HEATR4: variants seen among roughly 807,000 people sequenced by gnomAD.
HEATR4 encodes HEAT repeat containing 4, also known as HEAT repeat-containing protein 4.
HEATR4 carries 95 observed loss-of-function variants against 108.8 expected under a neutral mutation model. The ratio of observed to expected loss-of-function variants is 0.87; its 90% confidence interval spans 0.74 to 1.04. The LOEUF is 1.04. HEATR4 is among the 50% of genes least tolerant of loss of function. The pLI is 0.00. For missense variants in HEATR4, 1,152 were observed against 1,253.8 expected (o/e 0.92, Z 1.23); for synonymous variants, 443 against 459.4 (o/e 0.96, Z 0.46).
In HEATR4 at chr14:73,555,570, C is replaced by T. The variant is rs1195595383; in HGVS notation, c.-152+3181G>A. Among the ~76,000 whole-genome samples the T allele has an allele frequency of 8.7e-5, 10 of 115,146 alleles. 3 individuals carry two copies. Among genetic ancestry groups the T allele is most frequent in the Admixed American group, 2.0e-4 (2 of 10,228 alleles). The allele number at this position is 115,146 out of a possible 152,430, so 75.5% of individuals were successfully genotyped here. A position where few individuals can be genotyped will look rare whatever the true frequency, so the allele number is the denominator to read the frequency against. On this transcript the variant is annotated intron_variant, in intron 1 of 17. Coordinates refer to ENST00000553558, the MANE Select transcript of HEATR4 (RefSeq NM_001220484.1). ...TGAAAAGAACATTAATATTCTCCTG[C>T]CTTGCATATTCTTCTAAAACATTTT...
intron 17 of HEATR4, among the ~76,000 whole-genome samples, chr14:73,489,160 T>A (rs866514071): frequency 6.6e-6 from 1 of 152,200 alleles, no homozygotes; most frequent in Non-Finnish European, 1.5e-5. Flanking sequence ...GTGGGAGGGT[T>A]GTCCTTAGTA....
intron 10 of HEATR4, among the ~76,000 whole-genome samples, chr14:73,504,281 T>C (rs988286678): frequency 1.3e-5 from 2 of 151,628 alleles, no homozygotes; most frequent in African/African-American, 2.4e-5. Context: ...CTCGCTCTGT[T>C]GCCCAGGCTG....
chr14:73,566,611 C>T, the HEATR4 span, among the ~76,000 whole-genome samples: 10 of 152,192 alleles, frequency 6.6e-5, no homozygotes, highest in African/African-American at 1.7e-4. Context: ...GCTGGCAGGG[C>T]CAGCTGGCGG....
At chr14:73,569,795 G>C in the HEATR4 span, 1 of 1,603,350 alleles carries the variant, frequency 6.2e-7, no homozygotes, top group Non-Finnish European at 8.5e-7. Context: ...TGTGCCAGAC[G>C]CGGCACGAGC....
rs1406858344 is a variant in HEATR4, at chr14:73,548,925, G to A, written c.-152+9826C>T. On this transcript the variant is annotated intron_variant, in intron 1 of 17. Coordinates refer to ENST00000553558, the MANE Select transcript of HEATR4 (RefSeq NM_001220484.1). Reference sequence around the variant, plus strand: ...ATTCCAGGTAATTAACCTATCCATCGCCTCACATCTTTCTCTCTCTCTCTC... The same window carrying A: ...ATTCCAGGTAATTAACCTATCCATCACCTCACATCTTTCTCTCTCTCTCTC... Among the ~76,000 whole-genome samples the A allele has an allele frequency of 8.0e-5, 9 of 112,806 alleles. 2 individuals are homozygous for A. Among genetic ancestry groups the A allele is most frequent in the African/African-American group, 1.7e-4 (6 of 34,708 alleles). 74.0% of individuals were successfully genotyped at this position (112,806 alleles called of 152,430 possible).
the HEATR4 span, among the ~76,000 whole-genome samples, chr14:73,624,525 G>A: frequency 6.6e-6 from 1 of 152,190 alleles, no homozygotes; most frequent in Non-Finnish European, 1.5e-5. Context: ...TAACTTTAGT[G>A]TAGGAGGACA....
At chr14:73,601,551 G>A in the HEATR4 span, among the ~76,000 whole-genome samples, 2 of 152,284 alleles carry the variant, frequency 1.3e-5, no homozygotes, top group East Asian at 3.9e-4. Flanking sequence ...GCAACAGAGT[G>A]AGACTCTGTC....
In HEATR4 at chr14:73,500,436, C is replaced by T; in HGVS notation, c.2286+114G>A. 6 of 1,171,122 alleles carry T rather than the reference C, an allele frequency of 5.1e-6. No homozygotes were observed. In the South Asian group the frequency reaches 6.2e-5, roughly 12 times the overall value. 72.5% of individuals were successfully genotyped at this position (1,171,122 alleles called of 1,614,324 possible). A position where few individuals can be genotyped will look rare whatever the true frequency, so the allele number is the denominator to read the frequency against. ...TGGCTTATACACCCCCTTCCCAGTT[C>T]CAATCTCTCATTCTGTGTCCCCACA... On this transcript the variant is annotated intron_variant, in intron 12 of 17. Coordinates refer to ENST00000553558, the MANE Select transcript of HEATR4 (RefSeq NM_001220484.1).
the HEATR4 span, chr14:73,593,907 T>C: frequency 3.1e-6 from 5 of 1,607,160 alleles, no homozygotes; most frequent in South Asian, 5.5e-5. Flanking sequence ...ATCCCCAGGT[T>C]CTCCTCATGT....
At chr14:73,488,623 C>A in intron 17 of HEATR4, among the ~76,000 whole-genome samples, 1 of 152,032 alleles carries the variant, frequency 6.6e-6, no homozygotes, top group East Asian at 1.9e-4. Context: ...GCTTCCTCTA[C>A]AGCCTGAGGA....
At chr14:73,577,548 T>A in the HEATR4 span, among the ~76,000 whole-genome samples, 2 of 145,538 alleles carry the variant, frequency 1.4e-5, no homozygotes, top group Admixed American at 1.4e-4. Context: ...TCATATTGTT[T>A]TATCTTTTCC....
the HEATR4 span, among the ~76,000 whole-genome samples, chr14:73,590,556 C>T: frequency 6.6e-6 from 1 of 152,342 alleles, no homozygotes; most frequent in Non-Finnish European, 1.5e-5. Flanking sequence ...GAGGCTCGGA[C>T]CGCGCAGAAG....
chr14:73,628,412 G>T, the HEATR4 span, among the ~76,000 whole-genome samples: 18 of 152,136 alleles, frequency 1.2e-4, no homozygotes, highest in African/African-American at 4.1e-4. Flanking sequence ...AAAATACTAG[G>T]ATTACAGGCA....
the HEATR4 span, among the ~76,000 whole-genome samples, chr14:73,584,008 AAAAC>A: frequency 6.6e-6 from 1 of 151,988 alleles, no homozygotes; most frequent in African/African-American, 2.4e-5. Flanking sequence ...TCTAAAAAAA[AAAAC>A]AGACAAAATG....
chr14:73,593,903 A>C, the HEATR4 span: 1 of 1,610,296 alleles, frequency 6.2e-7, no homozygotes, highest in Non-Finnish European at 8.5e-7. Flanking sequence ...CAACATCCCC[A>C]GGTTCTCCTC....
In HEATR4 at chr14:73,485,928, G is replaced by T. The variant is rs1053639479; in HGVS notation, c.2845-7086C>A. 1.3e-4 allele frequency among the ~76,000 whole-genome samples: 20 copies of T among 151,860 alleles called. 1 individual carries two copies. The highest frequency in any genetic ancestry group is 2.5e-4 in the Non-Finnish European group (17 of 67,998). On this transcript the variant is annotated intron_variant, in intron 17 of 17. Coordinates refer to ENST00000553558, the MANE Select transcript of HEATR4 (RefSeq NM_001220484.1). The stretch of plus-strand genomic sequence containing the variant: ...AGCGTCTCACCATGTTGCTCAGGCT[G>T]GTCTGGAACTCTTGAGTTCAAGCAA...
Position 73,547,104 on chromosome 14 carries a change from C to A in HEATR4, c.-152+11647G>T, listed in dbSNP as rs1889245289. 1.9e-5 allele frequency among the ~76,000 whole-genome samples: 2 copies of A among 106,586 alleles called. 1 individual carries two copies. The highest frequency in any genetic ancestry group is 2.3e-4 in the Admixed American group (2 of 8,874). 69.9% of individuals were successfully genotyped at this position (106,586 alleles called of 152,430 possible). A position where few individuals can be genotyped will look rare whatever the true frequency, so the allele number is the denominator to read the frequency against. Reference sequence around the variant, plus strand: ...TCCGTCTCAAAAAAAGAAAAAAGACCCGGTGCGGTGGCTTACGCCTGTAAT... The same window carrying A: ...TCCGTCTCAAAAAAAGAAAAAAGACACGGTGCGGTGGCTTACGCCTGTAAT... On this transcript the variant is annotated intron_variant, in intron 1 of 17. Coordinates refer to ENST00000553558, the MANE Select transcript of HEATR4 (RefSeq NM_001220484.1).
At chr14:73,620,693 G>T in the HEATR4 span, among the ~76,000 whole-genome samples, 1 of 151,674 alleles carries the variant, frequency 6.6e-6, no homozygotes, top group Admixed American at 6.6e-5. Context: ...CCAGCCTTCC[G>T]AGTATCTGGG....
At chr14:73,591,880 G>A in the HEATR4 span, 5 of 1,294,872 alleles carry the variant, frequency 3.9e-6, no homozygotes, top group Non-Finnish European at 5.0e-6. Flanking sequence ...GCCGGACGCC[G>A]TCCGGACATT....
Sources: allele counts gnomAD v4.1 joint callset (sites outside exome capture counted in the v4.1 genomes callset), GRCh38; gene constraint gnomAD v4.1.1; transcripts MANE v1.5; gene names NCBI Gene and HGNC (gene_info 2026-07-23, HGNC 2026-07-21).